Variants in IFT74 observed in about 807,000 individuals in gnomAD.
The protein encoded by IFT74 is intraflagellar transport protein 74 homolog.
A neutral mutation model predicts 96.7 loss-of-function variants in IFT74; 92 were observed. The observed-to-expected ratio is 0.95, with a 90% CI of 0.80 to 1.13. IFT74 has a LOEUF of 1.13. IFT74 is among the 50% of genes most tolerant of loss of function. IFT74 has a pLI of 0.00. For synonymous variants in IFT74, 223 were observed against 213.2 expected (o/e 1.05, Z -0.40); for missense variants, 811 against 698.2 (o/e 1.16, Z -1.82).
rs1820591594 is a variant in IFT74 at position 27,065,948 on chromosome 9, A to T, written c.*3212A>T. ...AGTTTGATAACTGAAAAACATTTTT[A>T]AAAAGGCAATTTTTAATACAAAGGT... On this transcript the variant is annotated 3_prime_UTR_variant, in exon 20 of 20. Coordinates refer to ENST00000380062, the MANE Select transcript of IFT74 (RefSeq NM_025103.4). Among the ~76,000 whole-genome samples, 1 of 152,208 alleles carries T rather than the reference A, an allele frequency of 6.6e-6. No homozygotes were observed. Among genetic ancestry groups the T allele is most frequent in the African/African-American group, 2.4e-5 (1 of 41,448 alleles).
At chr9:27,056,542 G>A in intron 18 of IFT74, 83 bp downstream of exon 18, 2 of 1,247,470 alleles carry the variant, frequency 1.6e-6, no homozygotes, top group Non-Finnish European at 2.2e-6. Context: ...TTTAAAATTT[G>A]CTTTATATAC....
rs1340988765 is a variant in IFT74 at position 27,063,884 on chromosome 9, C to G, written c.*1148C>G. Among the ~76,000 whole-genome samples, 1 of 151,958 alleles carries G rather than the reference C, an allele frequency of 6.6e-6. No individual in the cohort carries two copies. Among genetic ancestry groups the G allele is most frequent in the East Asian group, 1.9e-4 (1 of 5,192 alleles). The stretch of plus-strand genomic sequence containing the variant: ...CTGGATTACTAATATGGCTGAAGAT[C>G]CTGGACATTCATTAAGGTAGCATTC... On this transcript the variant is annotated 3_prime_UTR_variant, in exon 20 of 20. Coordinates refer to ENST00000380062, the MANE Select transcript of IFT74 (RefSeq NM_025103.4).
At chr9:27,055,339 A>G (rs1340086713) in intron 16 of IFT74, among the ~76,000 whole-genome samples, 2 of 152,318 alleles carry the variant, frequency 1.3e-5, no homozygotes, top group East Asian at 3.9e-4. Context: ...TAAGCAAGAA[A>G]AAAACTTAAA....
At chr9:27,027,139 C>G (rs1053694297) in intron 12 of IFT74, among the ~76,000 whole-genome samples, 2 of 151,938 alleles carry the variant, frequency 1.3e-5, no homozygotes, top group Admixed American at 1.3e-4. Flanking sequence ...ATGGGAGATA[C>G]TACAACCAAT....
At chr9:27,012,025 G>A in intron 10 of IFT74, 57 bp downstream of exon 10, 1 of 1,076,162 alleles carries the variant, frequency 9.3e-7, no homozygotes, top group Non-Finnish European at 1.3e-6. Flanking sequence ...AGTTAATTCA[G>A]CCAAGTATAT....
chr9:26,966,157 G>T (rs910255034), intron 2 of IFT74, among the ~76,000 whole-genome samples: 3 of 151,724 alleles, frequency 2.0e-5, no homozygotes, highest in African/African-American at 7.3e-5. Context: ...TAGGAATGCA[G>T]GTATCTTTTT....
intron 2 of IFT74, among the ~76,000 whole-genome samples, chr9:26,975,961 C>A (rs533880176): frequency 5.3e-5 from 8 of 152,252 alleles, no homozygotes; most frequent in African/African-American, 1.9e-4. Context: ...TCAATCCACA[C>A]AGCAGTAGTG....
At chr9:26,952,007 T>TA (rs1464903184), upstream of IFT74, among the ~76,000 whole-genome samples, 1 of 152,244 alleles carries the variant, frequency 6.6e-6, no homozygotes, top group Non-Finnish European at 1.5e-5. Flanking sequence ...TCAAAGCTAA[T>TA]ACATTTCAAT....
chr9:26,951,348 G>T (rs1825924387), intron 1 of IFT74, among the ~76,000 whole-genome samples: 1 of 152,154 alleles, frequency 6.6e-6, no homozygotes, highest in African/African-American at 2.4e-5. Context: ...ATGGTATTTG[G>T]CTTGTGTGTG....
At chr9:27,030,548 A>AG (rs386414722) in intron 13 of IFT74, among the ~76,000 whole-genome samples, 1 of 2,588 alleles carries the variant, frequency 3.9e-4, no homozygotes, top group Non-Finnish European at 2.7e-3. Flanking sequence ...ACTCCGTCTC[A>AG]AAAAAAAAAA....
intron 13 of IFT74, among the ~76,000 whole-genome samples, chr9:27,043,447 A>G (rs1371922421): frequency 6.6e-6 from 1 of 152,112 alleles, no homozygotes; most frequent in Non-Finnish European, 1.5e-5. Flanking sequence ...TGCTTTCTCT[A>G]CAGAAGGCAG....
intron 13 of IFT74, among the ~76,000 whole-genome samples, chr9:27,033,573 CA>C (rs558712485): frequency 0.036 from 2,418 of 66,256 alleles, 34 homozygotes; most frequent in African/African-American, 0.088. Flanking sequence ...GACCCTGTCT[CA>C]AAAAAAAAAA....
chr9:27,036,075 A>T (rs182768327), intron 13 of IFT74, among the ~76,000 whole-genome samples: 1 of 152,370 alleles, frequency 6.6e-6, no homozygotes, highest in African/African-American at 2.4e-5. Context: ...AGCTAGAGAA[A>T]AGAAAATGTT....
intron 2 of IFT74, chr9:26,976,512 T>G: frequency 3.2e-6 from 1 of 309,106 alleles, no homozygotes; most frequent in Non-Finnish European, 6.4e-6. Context: ...GGCTAAACAT[T>G]TAAACTTTCT....
At chr9:26,952,624 A>G (rs1042258305), upstream of IFT74, among the ~76,000 whole-genome samples, 1 of 152,242 alleles carries the variant, frequency 6.6e-6, no homozygotes, top group Non-Finnish European at 1.5e-5. Flanking sequence ...TTGGTTTAAA[A>G]TTCAAAAGAC....
intron 1 of IFT74, chr9:26,947,470 C>T (rs943628717): frequency 6.1e-6 from 1 of 163,288 alleles, no homozygotes; most frequent in Non-Finnish European, 1.3e-5. Context: ...TGTGGTAAAT[C>T]GGGAAGCGGG....
chr9:26,978,084 G>GT (rs780926283), intron 2 of IFT74, 44 bp from the exon 3 acceptor site: 7 of 1,524,946 alleles, frequency 4.6e-6, no homozygotes, highest in Admixed American at 2.4e-5. Flanking sequence ...GATGTACAGT[G>GT]TTTTTTCTGG....
chr9:27,034,304 A>G (rs551675340), intron 13 of IFT74, among the ~76,000 whole-genome samples: 73 of 152,336 alleles, frequency 4.8e-4, no homozygotes, highest in Non-Finnish European at 8.4e-4. Context: ...GGAATATTGA[A>G]TTACTGTCTT....
intron 13 of IFT74, among the ~76,000 whole-genome samples, chr9:27,041,800 T>C (rs532063587): frequency 1.5e-4 from 23 of 152,318 alleles, no homozygotes; most frequent in African/African-American, 5.5e-4. Context: ...AATCCTCCAC[T>C]GAGAAATCAC....
Sources: gnomAD v4.1 joint callset for allele counts (sites outside exome capture counted in the v4.1 genomes callset) on GRCh38, gnomAD v4.1.1 for gene constraint, MANE v1.5 for transcripts, NCBI Gene and HGNC (gene_info 2026-07-23, HGNC 2026-07-21) for gene names.